Variants in PWWP3A observed in about 807,000 individuals in gnomAD.
PWWP3A encodes the protein PWWP domain-containing DNA repair factor 3A.
A neutral mutation model predicts 79.0 loss-of-function variants in PWWP3A; 53 were observed. The observed-to-expected ratio is 0.67, with a 90% CI of 0.54 to 0.84. The LOEUF (loss-of-function observed/expected upper bound fraction) is 0.84, where lower values mean the gene tolerates loss of function less well. Ranked by LOEUF, PWWP3A falls within the 40% of genes least tolerant of loss-of-function variation. The pLI is 0.00. For synonymous variants in PWWP3A, 443 were observed against 394.4 expected, an observed-to-expected ratio of 1.12 and a Z score of -1.46; for missense variants, 973 against 948.0, an observed-to-expected ratio of 1.03 and a Z score of -0.35.
intron 2 of PWWP3A, among the ~76,000 whole-genome samples, chr19:1,356,790 T>C (rs1434789678): frequency 6.6e-6 from 1 of 152,200 alleles, no homozygotes; most frequent in African/African-American, 2.4e-5. Flanking sequence ...TAGACAGTGC[T>C]CAGCTGCAAT....
chr19:1,365,367 G>A (rs2082106093), intron 7 of PWWP3A, among the ~76,000 whole-genome samples: 1 of 152,212 alleles, frequency 6.6e-6, no homozygotes, highest in Non-Finnish European at 1.5e-5. Context: ...CCTGGCCTTC[G>A]CCTCTCCTTC....
At chr19:1,355,643 G>A (rs1463708557) in intron 1 of PWWP3A, among the ~76,000 whole-genome samples, 1 of 129,120 alleles carries the variant, frequency 7.7e-6, no homozygotes, top group East Asian at 2.2e-4. Context: ...CCCTTCCTCC[G>A]CCATGAAATC....
Position 1,377,948 on chromosome 19 carries a change from C to T in PWWP3A, c.*1372C>T, listed in dbSNP as rs2082434696. 1 of 152,280 alleles carries T rather than the reference C, an allele frequency of 6.6e-6. No homozygotes were observed. Among genetic ancestry groups the T allele is most frequent in the South Asian group, 2.1e-4 (1 of 4,830 alleles). 9.4% of individuals were successfully genotyped at this position (152,280 alleles called of 1,614,324 possible). On this transcript the variant is annotated 3_prime_UTR_variant, in exon 14 of 14. Coordinates refer to ENST00000591337, the MANE Select transcript of PWWP3A (RefSeq NM_001369789.1). Reference sequence around the variant, plus strand: ...ACTCTCGTATCGGGCCCTTGGGACTCGGGAGGTGCCAGAGGCGGCGGCTGC... The same window carrying T: ...ACTCTCGTATCGGGCCCTTGGGACTTGGGAGGTGCCAGAGGCGGCGGCTGC...
At chr19:1,357,115 A>G (rs984832574) in intron 3 of PWWP3A, 21 bp downstream of exon 3, 1 of 1,571,126 alleles carries the variant, frequency 6.4e-7, no homozygotes, top group South Asian at 1.1e-5. Flanking sequence ...GTGTTGTTTT[A>G]ATACTGTTTT....
At chr19:1,374,191 T>A (rs774038140) in intron 13 of PWWP3A, 34 of 152,204 alleles carry the variant, frequency 2.2e-4, no homozygotes, top group Admixed American at 9.8e-4. Flanking sequence ...ATCCTGATTT[T>A]TTTTTTTGAG....
chr19:1,372,754 A>G (rs1461535194), intron 12 of PWWP3A: 3 of 263,570 alleles, frequency 1.1e-5, no homozygotes, highest in Admixed American at 5.0e-5. Flanking sequence ...GAGACTCTGT[A>G]CCAGAAAAAA....
rs1203038118 is a variant in PWWP3A at position 1,360,218 on chromosome 19, C to T, written c.297C>T (p.Ser99=). Residue 99 remains serine (S), a synonymous_variant, in exon 5 of 14, where the codon AGC becomes AGT. Coordinates refer to ENST00000591337, the MANE Select transcript of PWWP3A (RefSeq NM_001369789.1). The surrounding 1 kb of genome is among the most constrained non-coding windows in gnomAD (Gnocchi z 4.4). ...TTCGCGTGGCTCTGGACGTTCTGAG[C>T]GAGGGCTCGATTTGGAGTCAAGAAA... ...RSLRVALDVL[S]EGSIWSQESS... 88 of 1,613,328 alleles carry T rather than the reference C, an allele frequency of 5.5e-5. No homozygotes were observed. Among genetic ancestry groups the T allele is most frequent in the Non-Finnish European group, 7.0e-5 (83 of 1,179,716 alleles).
intron 9 of PWWP3A, 102 bp downstream of exon 9, chr19:1,367,322 C>G (rs562071032): frequency 3.0e-6 from 3 of 997,158 alleles, no homozygotes; most frequent in African/African-American, 3.2e-5. Context: ...GCGGTGTACG[C>G]GTGTGAATGA....
chr19:1,369,488 C>A lies in PWWP3A; in HGVS notation c.1499-108C>A. The A allele has an allele frequency of 6.6e-7, 1 of 1,512,152 alleles. No individual in the cohort carries two copies. Among genetic ancestry groups the A allele is most frequent in the Non-Finnish European group, 9.2e-7 (1 of 1,089,562 alleles). The allele number at this position is 1,512,152 out of a possible 1,614,324, so 93.7% of individuals were successfully genotyped here. A position where few individuals can be genotyped will look rare whatever the true frequency, so the allele number is the denominator to read the frequency against. On this transcript the variant is annotated intron_variant, in intron 10 of 13. Coordinates refer to ENST00000591337, the MANE Select transcript of PWWP3A (RefSeq NM_001369789.1). This position sits in a 1 kb window ranked among gnomAD's most constrained non-coding sequence, Gnocchi z 4.0. ...CCCTGTGGGTGGGCTGGGGTTCTGG[C>A]CTGGCCTGATTATTTCCTAAACAGA...
At chr19:1,358,304 A>T in intron 3 of PWWP3A, 90 bp from the exon 4 acceptor site, 3 of 1,253,664 alleles carry the variant, frequency 2.4e-6, no homozygotes, top group Non-Finnish European at 3.4e-6. Flanking sequence ...GAAAATGAAA[A>T]TAATTCTTTT....
Position 1,370,709 on chromosome 19 carries a change from G to C in PWWP3A, c.1617G>C (p.Gly539=), listed in dbSNP as rs1319879015. The change falls in exon 12 of 14, where the codon GGG becomes GGC. Residue 539 remains glycine (G), a synonymous_variant. Transcript: ENST00000591337. ...CCAAGCTTCCTCAACTGAGCAAGGG[G>C]AGCCCCGAGGAGCCCGTGGTGGGGT... The part of the protein sequence containing the change: ...LGTKLPQLSK[G]SPEEPVVGCP... 1 of 1,461,198 alleles carries C rather than the reference G, an allele frequency of 6.8e-7. No homozygotes were observed. The highest frequency in any genetic ancestry group is 2.5e-5 in the East Asian group (1 of 40,172). The allele number at this position is 1,461,198 out of a possible 1,614,324, so 90.5% of individuals were successfully genotyped here. A position where few individuals can be genotyped will look rare whatever the true frequency, so the allele number is the denominator to read the frequency against.
At chr19:1,355,402 C>T (rs999428494) in intron 1 of PWWP3A, among the ~76,000 whole-genome samples, 3 of 151,396 alleles carry the variant, frequency 2.0e-5, no homozygotes, top group Admixed American at 6.6e-5. Flanking sequence ...GCCTGGACCC[C>T]TATCTCCTTC....
At chr19:1,356,582 G>T in intron 2 of PWWP3A, 133 bp downstream of exon 2, 1 of 799,550 alleles carries the variant, frequency 1.3e-6, no homozygotes, top group Non-Finnish European at 2.0e-6. Context: ...ACTGATTCTC[G>T]TTCCCCATTT....
rs1169922327 is a variant in PWWP3A, at chr19:1,368,580, G to A, written c.1423-685G>A. 1.3e-5 allele frequency among the ~76,000 whole-genome samples: 2 copies of A among 152,202 alleles called. No individual in the cohort carries two copies. Among genetic ancestry groups the A allele is most frequent in the Non-Finnish European group, 2.9e-5 (2 of 68,024 alleles). On this transcript the variant is annotated intron_variant, in intron 9 of 13. Transcript: ENST00000591337. This position sits in a 1 kb window ranked among gnomAD's most constrained non-coding sequence, Gnocchi z 4.7. The stretch of plus-strand genomic sequence containing the variant: ...GTACCCCTAGTGGCCCTCGGCTCCA[G>A]AGTCTTCCCTGGGTCATTGTGTGAT...
At position 1,368,748 on chromosome 19, in the gene PWWP3A, G is replaced by C. The variant is rs571225465; in HGVS notation, c.1423-517G>C. 5.3e-5 allele frequency among the ~76,000 whole-genome samples: 8 copies of C among 152,368 alleles called. No homozygotes were observed. The highest frequency in any genetic ancestry group is 1.9e-4 in the African/African-American group (8 of 41,586). On this transcript the variant is annotated intron_variant, in intron 9 of 13. Coordinates refer to ENST00000591337, the MANE Select transcript of PWWP3A (RefSeq NM_001369789.1). The surrounding 1 kb of genome is among the most constrained non-coding windows in gnomAD (Gnocchi z 4.7). ...TAGCTCCCAACAAAAACGGCTGTTA[G>C]AGCAGCTTATTTCCAGGACTTGATG...
intron 7 of PWWP3A, among the ~76,000 whole-genome samples, chr19:1,365,136 G>GA (rs569871838): frequency 5.9e-5 from 9 of 152,030 alleles, no homozygotes; most frequent in Non-Finnish European, 7.4e-5. Context: ...AAAGAAAAAG[G>GA]AAAAAAAAGA....
intron 13 of PWWP3A, chr19:1,373,468 C>T (rs771260790): frequency 2.5e-6 from 1 of 399,372 alleles, no homozygotes; most frequent in East Asian, 4.8e-5. Flanking sequence ...TTTGCACTTT[C>T]CTCCCCTCTT....
At position 1,369,268 on chromosome 19, in the gene PWWP3A, C is replaced by G; in HGVS notation, c.1426C>G (p.Gln476Glu). 6.2e-7 allele frequency: 1 copy of G among 1,614,066 alleles called. No individual in the cohort carries two copies. The highest frequency in any genetic ancestry group is 1.7e-4 in the Middle Eastern group (1 of 6,050). Residue 476 changes from glutamine (Q) to glutamate (E), a missense_variant, in exon 10 of 14, where the codon CAA (glutamine) becomes GAA (glutamate). By Grantham distance (29) the Gln-to-Glu change is conservative. Transcript: ENST00000591337. This position sits in a 1 kb window ranked among gnomAD's most constrained non-coding sequence, Gnocchi z 4.0. ...TGCTGCCCGGATCTCATTGTAGAATCAAGCCAGGGAGGACTTCAACCAGGA... is the reference window on the plus strand; with the variant it reads ...TGCTGCCCGGATCTCATTGTAGAATGAAGCCAGGGAGGACTTCAACCAGGA... ...DCKEKQTLLN[Q>E]AREDFNQDIG...
At chr19:1,361,471 C>T (rs1307887423) in intron 5 of PWWP3A, among the ~76,000 whole-genome samples, 1 of 152,226 alleles carries the variant, frequency 6.6e-6, no homozygotes, top group Admixed American at 6.5e-5. Flanking sequence ...TAAAGAATTC[C>T]TGTGCAGATA....
Sources: gnomAD v4.1 joint callset for allele counts (sites outside exome capture counted in the v4.1 genomes callset) on GRCh38, gnomAD v4.1.1 for gene constraint, Gnocchi (gnomAD v3.1) non-coding constraint, MANE v1.5 for transcripts, NCBI Gene and HGNC (gene_info 2026-07-23, HGNC 2026-07-21) for gene names.